The following USP12 variants were observed in gnomAD, a reference collection of about 807,000 sequenced individuals.
USP12 encodes ubiquitin carboxyl-terminal hydrolase 12.
In USP12, 19 loss-of-function variants were observed where a neutral mutation model predicts 45.5. The observed-to-expected ratio is 0.42, with a 90% CI of 0.29 to 0.61. The LOEUF is 0.61. Ranked by LOEUF, USP12 falls within the 20% of genes least tolerant of loss-of-function variation. USP12 has a pLI of 0.22. For synonymous variants in USP12, 149 were observed against 148.8 expected (o/e 1.00, Z -0.01); for missense variants, 242 against 447.7 (o/e 0.54, Z 4.15).
chr13:27,116,311 CA>C (rs10549775), intron 2 of USP12, among the ~76,000 whole-genome samples: 37,682 of 90,888 alleles, frequency 0.41, 5,359 homozygotes, highest in African/African-American at 0.44. Context: ...GACGCTGTCT[CA>C]AAAAAAAAAA....
chr13:27,094,212 T>C (rs929076604), intron 4 of USP12, among the ~76,000 whole-genome samples: 7 of 141,872 alleles, frequency 4.9e-5, no homozygotes, highest in Non-Finnish European at 9.1e-5. Context: ...CATCATAAAG[T>C]GGAGAAACTG....
chr13:27,066,791 A>G lies in USP12; in HGVS notation c.*2492T>C, dbSNP rs1042429682. On this transcript the variant is annotated 3_prime_UTR_variant, in exon 9 of 9. Transcript: ENST00000282344. ...TCAGCCACCACTTACAACTTACACC[A>G]GCCCCGCATTTTAATCACAGTCAAC... is the stretch of plus-strand genomic sequence containing the variant. 6.6e-6 allele frequency: 1 copy of G among 152,214 alleles called. No individual in the cohort carries two copies. The highest frequency in any genetic ancestry group is 2.4e-5 in the African/African-American group (1 of 41,448). 9.4% of individuals were successfully genotyped at this position (152,214 alleles called of 1,614,324 possible). A position where few individuals can be genotyped will look rare whatever the true frequency, so the allele number is the denominator to read the frequency against.
intron 1 of USP12, among the ~76,000 whole-genome samples, chr13:27,144,065 G>A (rs1478636746): frequency 6.6e-6 from 1 of 152,128 alleles, no homozygotes; most frequent in African/African-American, 2.4e-5. Flanking sequence ...TTAGCCAGGT[G>A]TGGTGGCACA....
intron 1 of USP12, among the ~76,000 whole-genome samples, chr13:27,152,451 G>C (rs549546000): frequency 1.9e-3 from 282 of 152,196 alleles, no homozygotes; most frequent in African/African-American, 6.3e-3. Flanking sequence ...GTAAATCAGT[G>C]GTTGCCTAGG....
At chr13:27,125,246 C>T (rs1259581020) in intron 1 of USP12, among the ~76,000 whole-genome samples, 1 of 151,888 alleles carries the variant, frequency 6.6e-6, no homozygotes, top group Non-Finnish European at 1.5e-5. Flanking sequence ...TATACAAAAG[C>T]ATAAGAAAAA....
chr13:27,076,854 CT>C (rs1329381408), intron 6 of USP12, among the ~76,000 whole-genome samples: 2 of 152,118 alleles, frequency 1.3e-5, no homozygotes, highest in African/African-American at 2.4e-5. Context: ...TGAACTTGGC[CT>C]TTTGGAAACA....
At chr13:27,136,833 A>T (rs1210727164) in intron 1 of USP12, among the ~76,000 whole-genome samples, 1 of 152,242 alleles carries the variant, frequency 6.6e-6, no homozygotes, top group African/African-American at 2.4e-5. Flanking sequence ...TAATAAAATG[A>T]TATTTGGGAT....
chr13:27,118,873 C>T (rs186808883), intron 1 of USP12, among the ~76,000 whole-genome samples: 5 of 152,270 alleles, frequency 3.3e-5, no homozygotes, highest in Admixed American at 3.3e-4. Context: ...TTCTAACCAC[C>T]CCACATGTCC....
intron 1 of USP12, among the ~76,000 whole-genome samples, chr13:27,145,582 G>A (rs971446632): frequency 1.3e-5 from 2 of 152,092 alleles, no homozygotes; most frequent in Non-Finnish European, 2.9e-5. Context: ...CTATGCTGAA[G>A]GAGTTCATTT....
intron 1 of USP12, among the ~76,000 whole-genome samples, chr13:27,123,244 AATGACCTGT>A (rs1470155688): frequency 1.3e-5 from 2 of 152,166 alleles, no homozygotes; most frequent in Non-Finnish European, 2.9e-5. Context: ...TTAAATTATA[AATGACCTGT>A]AACAAATCAT....
chr13:27,150,470 A>C (rs570730135), intron 1 of USP12, among the ~76,000 whole-genome samples: 1 of 152,210 alleles, frequency 6.6e-6, no homozygotes, highest in Non-Finnish European at 1.5e-5. Context: ...AAAACATACC[A>C]TGTTCACAGA....
intron 4 of USP12, among the ~76,000 whole-genome samples, chr13:27,090,762 C>T (rs1220729933): frequency 3.3e-5 from 5 of 152,146 alleles, no homozygotes; most frequent in African/African-American, 1.2e-4. Context: ...GGTACGTGTG[C>T]AACAGGAGAT....
rs191659313 is a variant in USP12, at chr13:27,146,996, G to A, written c.48+24596C>T. ...TACAAGCCAAGGAATGCCTGAGGCT[G>A]CCGGAAGCAAGTAGAGAAGCCTGGG... On this transcript the variant is annotated intron_variant, in intron 1 of 8. Transcript: ENST00000282344. Among the ~76,000 whole-genome samples the A allele has an allele frequency of 2.4e-3, 366 of 152,308 alleles. 1 individual carries two copies. The highest frequency in any genetic ancestry group is 4.0e-3 in the Non-Finnish European group (269 of 68,026).
intron 6 of USP12, among the ~76,000 whole-genome samples, chr13:27,075,722 G>A (rs7984570): frequency 0.4 from 60,094 of 151,836 alleles, 12,280 homozygotes; most frequent in South Asian, 0.6. Flanking sequence ...CTAAATGCAC[G>A]GGGTGCTCAA....
intron 1 of USP12, among the ~76,000 whole-genome samples, chr13:27,171,213 C>A (rs1033753680): frequency 2.7e-5 from 4 of 150,676 alleles, no homozygotes; most frequent in Non-Finnish European, 5.9e-5. Context: ...CGCGCGCCCA[C>A]CCCTCACCCC....
chr13:27,151,838 G>T (rs1274534223), intron 1 of USP12, among the ~76,000 whole-genome samples: 1 of 152,116 alleles, frequency 6.6e-6, no homozygotes, highest in Non-Finnish European at 1.5e-5. Flanking sequence ...AACAGCCAAA[G>T]AATGCGAATA....
At chr13:27,070,715 G>A (rs1158263939) in intron 8 of USP12, among the ~76,000 whole-genome samples, 1 of 152,000 alleles carries the variant, frequency 6.6e-6, no homozygotes, top group East Asian at 1.9e-4. Context: ...CACCATGCCC[G>A]GCTAATTTTG....
chr13:27,133,005 C>T (rs775415838), intron 1 of USP12, among the ~76,000 whole-genome samples: 3 of 152,232 alleles, frequency 2.0e-5, no homozygotes, highest in Non-Finnish European at 4.4e-5. Flanking sequence ...TGATTCCAAA[C>T]TCAAGCTTCC....
At chr13:27,112,833 A>C (rs1248776716) in intron 2 of USP12, among the ~76,000 whole-genome samples, 5 of 152,226 alleles carry the variant, frequency 3.3e-5, no homozygotes, top group Non-Finnish European at 7.3e-5. Context: ...GATAAAAATA[A>C]ACATCAGAAA....
Sources: allele counts gnomAD v4.1 joint callset (sites outside exome capture counted in the v4.1 genomes callset), GRCh38; gene constraint gnomAD v4.1.1; transcripts MANE v1.5; gene names NCBI Gene and HGNC (gene_info 2026-07-23, HGNC 2026-07-21).